The following GPC3 variants were observed in gnomAD, a reference collection of about 807,000 sequenced individuals.
GPC3 encodes glypican-3.
GPC3 carries 3 observed loss-of-function variants against 34.4 expected under a neutral mutation model. The ratio of observed to expected loss-of-function variants is 0.09; its 90% CI spans 0.04 to 0.23. The LOEUF is 0.23. GPC3 is among the 10% of genes least tolerant of loss of function. The pLI, the probability that GPC3 is intolerant of heterozygous loss-of-function variation, is 1.00. For synonymous variants in GPC3, 177 were observed against 174.0 expected, an observed-to-expected ratio of 1.02 and a Z score of -0.13; for missense variants, 351 against 445.6, an observed-to-expected ratio of 0.79 and a Z score of 1.91.
intron 5 of GPC3, among the ~76,000 whole-genome samples, chrX:133,685,193 C>A (rs772789775): frequency 9.0e-6 from 1 of 111,715 alleles, no homozygotes; most frequent in African/African-American, 3.2e-5. Context: ...GCAGAATCAA[C>A]TATTCTCCCT....
At chrX:133,896,678 C>T (rs895980885) in intron 2 of GPC3, among the ~76,000 whole-genome samples, 12 of 110,979 alleles carry the variant, frequency 1.1e-4, no homozygotes, top group African/African-American at 2.0e-4. Flanking sequence ...ATATTAAGTC[C>T]GTAAATTAAA....
intron 2 of GPC3, among the ~76,000 whole-genome samples, chrX:133,920,357 T>A (rs762827954): frequency 9.0e-6 from 1 of 111,339 alleles, no homozygotes; most frequent in South Asian, 3.8e-4. Context: ...ACATTAAGCA[T>A]CAAGATCTTT....
At position 133,536,032 on chromosome X, in the gene GPC3, AAAAAAAATAG is replaced by A; in HGVS notation, c.*82_*91del. The stretch of plus-strand genomic sequence containing the variant: ...GAGGAGGTATACAGGATAACAAAAA[AAAAAAAATAG>A]AAAAAAATAAGAAAGTGGTTCCCTT... On this transcript the variant is annotated 3_prime_UTR_variant, in exon 8 of 8. Transcript: ENST00000370818. 1 of 745,266 alleles carries A rather than the reference AAAAAAAATAG, an allele frequency of 1.3e-6. No homozygotes were observed. The highest frequency in any genetic ancestry group is 2.0e-6 in the Non-Finnish European group (1 of 494,622). 61.4% of individuals were successfully genotyped at this position (745,266 alleles called of 1,213,427 possible).
chrX:133,956,849 C>T (rs2076418870), intron 1 of GPC3, among the ~76,000 whole-genome samples: 2 of 111,042 alleles, frequency 1.8e-5, no homozygotes, highest in Admixed American at 1.9e-4. Context: ...CAAATTGTTG[C>T]TTGATGTACC....
intron 2 of GPC3, among the ~76,000 whole-genome samples, chrX:133,759,966 T>C (rs933865978): frequency 9.0e-5 from 10 of 111,202 alleles, no homozygotes; most frequent in African/African-American, 2.6e-4. Context: ...AATTAAAAAA[T>C]GGGCAGAAGA....
chrX:133,808,781 T>C (rs1391645153), intron 2 of GPC3, among the ~76,000 whole-genome samples: 4 of 110,906 alleles, frequency 3.6e-5, no homozygotes, highest in Non-Finnish European at 7.6e-5. Context: ...AAATACCTGT[T>C]CTAACTTTGA....
chrX:133,860,563 T>C (rs935806791), intron 2 of GPC3, among the ~76,000 whole-genome samples: 4 of 111,935 alleles, frequency 3.6e-5, no homozygotes, highest in African/African-American at 1.3e-4. Context: ...CTAATAACAT[T>C]TCTATGAGGA....
At chrX:133,765,642 C>G (rs978688450) in intron 2 of GPC3, among the ~76,000 whole-genome samples, 3 of 111,670 alleles carry the variant, frequency 2.7e-5, no homozygotes, top group African/African-American at 6.5e-5. Flanking sequence ...TTAAACCACT[C>G]AGACACTAAA....
intron 7 of GPC3, among the ~76,000 whole-genome samples, chrX:133,565,503 T>A (rs944880009): frequency 4.5e-5 from 5 of 112,281 alleles, no homozygotes; most frequent in African/African-American, 1.6e-4. Context: ...TCAGTAAATA[T>A]CTGTGAGTTG....
At chrX:133,798,526 A>G (rs188010943) in intron 2 of GPC3, among the ~76,000 whole-genome samples, 2 of 112,267 alleles carry the variant, frequency 1.8e-5, no homozygotes, top group East Asian at 5.6e-4. Flanking sequence ...TACCCCATCC[A>G]TCTAACTTGT....
intron 6 of GPC3, among the ~76,000 whole-genome samples, chrX:133,604,305 TGCCTTTA>T (rs1215363446): frequency 1.8e-5 from 2 of 112,332 alleles, no homozygotes; most frequent in African/African-American, 6.5e-5. Flanking sequence ...CCATCTTTAC[TGCCTTTA>T]GCTCAGATAA....
chrX:133,741,577 T>C (rs1007027296), intron 3 of GPC3, among the ~76,000 whole-genome samples: 10 of 112,472 alleles, frequency 8.9e-5, no homozygotes, highest in African/African-American at 3.2e-4. Context: ...GCAAGAGATG[T>C]ACCTCAAAAG....
intron 3 of GPC3, among the ~76,000 whole-genome samples, chrX:133,703,511 AGTGCAGTG>A (rs2124440369): frequency 9.7e-6 from 1 of 103,519 alleles, no homozygotes; most frequent in East Asian, 3.1e-4. Context: ...CCCAGGCTGG[AGTGCAGTG>A]GTGCAATCTC....
chrX:133,566,235 T>C (rs2069581100), intron 7 of GPC3, among the ~76,000 whole-genome samples: 1 of 111,611 alleles, frequency 9.0e-6, no homozygotes, highest in Non-Finnish European at 1.9e-5. Context: ...AAGACTGCCA[T>C]ATGTTTGGAT....
chrX:133,642,487 A>G (rs2124381615), intron 6 of GPC3, among the ~76,000 whole-genome samples: 1 of 111,125 alleles, frequency 9.0e-6, no homozygotes, highest in Non-Finnish European at 1.9e-5. Context: ...ATAAATGCAT[A>G]CAGGCCAGGC....
At chrX:133,854,503 C>T (rs997412406) in intron 2 of GPC3, among the ~76,000 whole-genome samples, 3 of 111,608 alleles carry the variant, frequency 2.7e-5, no homozygotes, top group African/African-American at 3.3e-5. Context: ...ATTTATTTAG[C>T]GGCTGTGGCA....
intron 7 of GPC3, among the ~76,000 whole-genome samples, chrX:133,552,212 C>T (rs1277837992): frequency 8.9e-6 from 1 of 112,061 alleles, no homozygotes; most frequent in African/African-American, 3.2e-5. Flanking sequence ...TAAATAGCTT[C>T]TGATGACCCT....
intron 2 of GPC3, among the ~76,000 whole-genome samples, chrX:133,908,740 A>T (rs776192840): frequency 4.0e-4 from 45 of 111,539 alleles, no homozygotes; most frequent in Non-Finnish European, 8.1e-4. Context: ...CTTAAAAAAA[A>T]AAATAAGCTA....
intron 7 of GPC3, among the ~76,000 whole-genome samples, chrX:133,570,564 C>T (rs766229668): frequency 2.7e-5 from 3 of 112,417 alleles, no homozygotes; most frequent in East Asian, 5.6e-4. Flanking sequence ...CATCTGTGGA[C>T]GACTCATTCT....
Sources: gnomAD v4.1 joint callset for allele counts (sites outside exome capture counted in the v4.1 genomes callset) on GRCh38, gnomAD v4.1.1 for gene constraint, MANE v1.5 for transcripts, NCBI Gene and HGNC (gene_info 2026-07-23, HGNC 2026-07-21) for gene names.